The following NAALADL2 variants were observed in gnomAD, a reference collection of about 807,000 sequenced individuals.
NAALADL2 encodes N-acetylated alpha-linked acidic dipeptidase like 2.
A neutral mutation model predicts 87.2 loss-of-function variants in NAALADL2; 76 were observed. The observed-to-expected ratio is 0.87, with a 90% CI of 0.72 to 1.05. NAALADL2 has a LOEUF of 1.05. Ranked by LOEUF, NAALADL2 falls within the 50% of genes least tolerant of loss-of-function variation. The pLI, the probability that NAALADL2 is intolerant of heterozygous loss-of-function variation, is 0.00. For synonymous variants in NAALADL2, 354 were observed against 331.0 expected, an observed-to-expected ratio of 1.07 and a Z score of -0.75; for missense variants, 1,089 against 945.8, an observed-to-expected ratio of 1.15 and a Z score of -1.99.
At position 175,656,868 on chromosome 3, in the gene NAALADL2, A is replaced by G. The variant is rs1731538867; in HGVS notation, c.1896+29482A>G. Among the ~76,000 whole-genome samples, 5 of 152,154 alleles carry G rather than the reference A, an allele frequency of 3.3e-5. No homozygotes were observed. The South Asian group carries it at 1.0e-3, about 31-fold the overall frequency. On this transcript the variant is annotated intron_variant, in intron 11 of 13. Transcript: ENST00000454872. ...CAGGCCTGTAACCTGGCTTTGTGTC[A>G]GATAACTAGAATTAATGCCTTGAAT...
At chr3:174,449,773 T>C (rs1715343874) in intron 1 of NAALADL2, among the ~76,000 whole-genome samples, 1 of 152,214 alleles carries the variant, frequency 6.6e-6, no homozygotes, top group Non-Finnish European at 1.5e-5. Flanking sequence ...AATTTTATAC[T>C]ATAATAGTCA....
intron 2 of NAALADL2, among the ~76,000 whole-genome samples, chr3:175,123,813 T>C (rs1029120551): frequency 1.5e-4 from 23 of 152,036 alleles, no homozygotes; most frequent in African/African-American, 5.6e-4. Context: ...TCTGACAGTA[T>C]ATTAGCATTA....
At chr3:175,547,592 CA>C (rs759099100) in intron 9 of NAALADL2, among the ~76,000 whole-genome samples, 19 of 152,010 alleles carry the variant, frequency 1.2e-4, no homozygotes, top group Non-Finnish European at 2.6e-4. Flanking sequence ...TTCTGCACCG[CA>C]AAATAAACTA....
intron 1 of NAALADL2, among the ~76,000 whole-genome samples, chr3:174,965,364 G>A (rs529414595): frequency 2.7e-5 from 4 of 150,896 alleles, no homozygotes; most frequent in South Asian, 2.1e-4. Flanking sequence ...GTTACATACT[G>A]TCACTTCTGT....
chr3:175,136,327 G>A (rs1729110149), intron 2 of NAALADL2, among the ~76,000 whole-genome samples: 1 of 152,182 alleles, frequency 6.6e-6, no homozygotes, highest in Non-Finnish European at 1.5e-5. Context: ...ACTGTTTCAT[G>A]GATATTTGGT....
chr3:175,610,984 T>G (rs1288315978), intron 10 of NAALADL2, among the ~76,000 whole-genome samples: 1 of 152,018 alleles, frequency 6.6e-6, no homozygotes, highest in African/African-American at 2.4e-5. Flanking sequence ...GATATCAAGA[T>G]CCCAATATTA....
chr3:175,784,550 TC>T, intron 13 of NAALADL2, among the ~76,000 whole-genome samples: 1 of 141,522 alleles, frequency 7.1e-6, no homozygotes, highest in Non-Finnish European at 1.5e-5. Context: ...GGTGGTGATA[TC>T]CCCTTTATCA....
intron 4 of NAALADL2, among the ~76,000 whole-genome samples, chr3:175,305,625 T>C (rs931862399): frequency 3.9e-5 from 6 of 152,002 alleles, no homozygotes; most frequent in African/African-American, 1.4e-4. Flanking sequence ...TCGGTTCAAG[T>C]GATTCTCCTG....
intron 2 of NAALADL2, among the ~76,000 whole-genome samples, chr3:175,233,528 G>A (rs938067406): frequency 1.3e-5 from 2 of 152,206 alleles, no homozygotes; most frequent in African/African-American, 2.4e-5. Context: ...TGCAGCCTCC[G>A]ACTCCCAGGC....
chr3:175,141,284 C>CA (rs1046402535), intron 2 of NAALADL2, among the ~76,000 whole-genome samples: 3 of 151,036 alleles, frequency 2.0e-5, no homozygotes. Context: ...TTCATAGCTC[C>CA]TTTTTTTTTC....
intron 4 of NAALADL2, among the ~76,000 whole-genome samples, chr3:175,314,423 C>G (rs1248815886): frequency 6.6e-6 from 1 of 150,540 alleles, no homozygotes; most frequent in Admixed American, 6.6e-5. Flanking sequence ...GATAACAAAA[C>G]AAAAATCAAA....
rs1712770231 is a variant in NAALADL2, at chr3:174,556,012, C to CGT, written c.-115+5376_-115+5377insTG. On this transcript the variant is annotated intron_variant, in intron 2 of 3. Coordinates refer to the NAALADL2 transcript ENST00000434257. ...GTGTGTGTGTGTGTGTGTGTGTGCG[C>CGT]GCACGTGAGTGTGTTTCTTCTAGTA... is the stretch of plus-strand genomic sequence containing the variant. Among the ~76,000 whole-genome samples the CGT allele has an allele frequency of 1.6e-4, 18 of 114,824 alleles. No individual in the cohort carries two copies. In the South Asian group the frequency reaches 4.1e-3, roughly 26 times the overall value. The allele number at this position is 114,824 out of a possible 152,430, so 75.3% of individuals were successfully genotyped here. A position where few individuals can be genotyped will look rare whatever the true frequency, so the allele number is the denominator to read the frequency against.
At chr3:175,239,658 T>G (rs1746496082) in intron 3 of NAALADL2, among the ~76,000 whole-genome samples, 1 of 152,184 alleles carries the variant, frequency 6.6e-6, no homozygotes, top group Non-Finnish European at 1.5e-5. Context: ...AAACTTATTT[T>G]CAAAAACTCA....
intron 1 of NAALADL2, among the ~76,000 whole-genome samples, chr3:175,012,160 T>C (rs1373016251): frequency 6.6e-6 from 1 of 152,094 alleles, no homozygotes; most frequent in Non-Finnish European, 1.5e-5. Context: ...CATTGTGAAT[T>C]ATTTTATTTA....
At chr3:175,777,218 A>T (rs183787150) in intron 13 of NAALADL2, among the ~76,000 whole-genome samples, 1 of 151,828 alleles carries the variant, frequency 6.6e-6, no homozygotes, top group Admixed American at 6.6e-5. Flanking sequence ...CTCCTGTTGG[A>T]ATATTGTTTT....
Position 175,544,838 on chromosome 3 carries a change from G to A in NAALADL2, c.1654-31203G>A, listed in dbSNP as rs1004366580. Among the ~76,000 whole-genome samples, 19 of 151,914 alleles carry A rather than the reference G, an allele frequency of 1.3e-4. 1 individual carries two copies. Among genetic ancestry groups the A allele is most frequent in the Non-Finnish European group, 2.4e-4 (16 of 67,964 alleles). Reference sequence around the variant, plus strand: ...GCCAAGATTTTTCTGCCTATGTTATGGGCTATCTAGAATTAGCTTTTCACT... The same window carrying A: ...GCCAAGATTTTTCTGCCTATGTTATAGGCTATCTAGAATTAGCTTTTCACT... On this transcript the variant is annotated intron_variant, in intron 9 of 13. Coordinates refer to ENST00000454872, the MANE Select transcript of NAALADL2 (RefSeq NM_207015.3).
intron 10 of NAALADL2, 45 bp from the exon 11 acceptor site, chr3:175,627,246 A>G: frequency 6.9e-7 from 1 of 1,445,674 alleles, no homozygotes; most frequent in East Asian, 2.5e-5. Flanking sequence ...TTGAAAAACA[A>G]AATCGATAAA....
At chr3:175,033,755 T>G (rs1753063092) in intron 1 of NAALADL2, among the ~76,000 whole-genome samples, 1 of 152,156 alleles carries the variant, frequency 6.6e-6, no homozygotes, top group Admixed American at 6.6e-5. Context: ...GAACTCTTTC[T>G]TCTCCCTTTA....
chr3:175,028,081 GAA>G (rs1440527102), intron 1 of NAALADL2, among the ~76,000 whole-genome samples: 1 of 151,988 alleles, frequency 6.6e-6, no homozygotes, highest in East Asian at 1.9e-4. Context: ...TCAGCAAGGA[GAA>G]CAGCTATCCC....
Sources: gnomAD v4.1 joint callset for allele counts (sites outside exome capture counted in the v4.1 genomes callset) on GRCh38, gnomAD v4.1.1 for gene constraint, MANE v1.5 for transcripts, NCBI Gene and HGNC (gene_info 2026-07-23, HGNC 2026-07-21) for gene names.